Variants in CORO2B observed in about 807,000 individuals in gnomAD.
CORO2B encodes coronin 2B.
In CORO2B, 26 loss-of-function variants were observed where a neutral mutation model predicts 58.8. The ratio of observed to expected loss-of-function variants is 0.44; its 90% CI spans 0.32 to 0.61. The LOEUF (loss-of-function observed/expected upper bound fraction) is 0.61, where lower values mean the gene tolerates loss of function less well. CORO2B is among the 20% of genes least tolerant of loss of function. CORO2B has a pLI of 0.04. For synonymous variants in CORO2B, 242 were observed against 253.8 expected (o/e 0.95, Z 0.44); for missense variants, 460 against 645.1 (o/e 0.71, Z 3.11).
chr15:68,593,761 AG>A (rs377262626), intron 1 of CORO2B, among the ~76,000 whole-genome samples: 127 of 151,946 alleles, frequency 8.4e-4, no homozygotes, highest in African/African-American at 3.0e-3. Context: ...GTTTGCTCTG[AG>A]GTGGCGAAGT....
chr15:68,542,892 C>G, the CORO2B span, among the ~76,000 whole-genome samples: 3 of 152,214 alleles, frequency 2.0e-5, no homozygotes, highest in African/African-American at 7.2e-5. Context: ...GTGTGCTTCC[C>G]TTTGTTATCT....
At position 68,659,859 on chromosome 15, in the gene CORO2B, G is replaced by A. The variant is rs1028810774; in HGVS notation, c.216+14499G>A. ...TGAGGCAGGAGAATCACTCGAACCC[G>A]GGAGGTGGAGGTTGCAGTGAGCCAA... On this transcript the variant is annotated intron_variant, in intron 2 of 11. Coordinates refer to ENST00000261861, the MANE Select transcript of CORO2B (RefSeq NM_006091.5). 9.2e-5 allele frequency among the ~76,000 whole-genome samples: 14 copies of A among 152,276 alleles called. No homozygotes were observed. The East Asian group carries it at 9.7e-4, about 11-fold the overall frequency.
chr15:68,562,182 C>A, the CORO2B span, among the ~76,000 whole-genome samples: 3 of 152,186 alleles, frequency 2.0e-5, no homozygotes, highest in Admixed American at 2.0e-4. Flanking sequence ...CAGGACTACA[C>A]AGAGGGGTCT....
intron 2 of CORO2B, among the ~76,000 whole-genome samples, chr15:68,653,527 A>G (rs1290323180): frequency 6.6e-6 from 1 of 152,104 alleles, no homozygotes; most frequent in East Asian, 1.9e-4. Context: ...GATCCTAGGG[A>G]GAATGCAGCA....
chr15:68,631,694 C>T (rs1302904507), intron 1 of CORO2B, among the ~76,000 whole-genome samples: 1 of 152,190 alleles, frequency 6.6e-6, no homozygotes, highest in African/African-American at 2.4e-5. Context: ...CACCAGGTGC[C>T]AGGGGGCAGG....
intron 3 of CORO2B, among the ~76,000 whole-genome samples, chr15:68,695,809 G>C (rs752498441): frequency 6.6e-6 from 1 of 152,062 alleles, no homozygotes; most frequent in Non-Finnish European, 1.5e-5. Flanking sequence ...TGAGAAGAGA[G>C]AAGAAACAGG....
the CORO2B span, among the ~76,000 whole-genome samples, chr15:68,534,910 G>T: frequency 0.014 from 2,081 of 152,264 alleles, 117 homozygotes; most frequent in East Asian, 0.17. Flanking sequence ...TGCAAAAGGG[G>T]TTTCCCTTTA....
At chr15:68,524,213 C>G in the CORO2B span, among the ~76,000 whole-genome samples, 1 of 151,794 alleles carries the variant, frequency 6.6e-6, no homozygotes, top group Admixed American at 6.6e-5. Context: ...GAGCAAAACC[C>G]TGTCTCAAAA....
chr15:68,568,316 G>A, the CORO2B span, among the ~76,000 whole-genome samples: 2 of 151,900 alleles, frequency 1.3e-5, no homozygotes, highest in African/African-American at 4.8e-5. Flanking sequence ...TGTAAAGTCG[G>A]AGCGGTTATA....
At chr15:68,686,148 T>C (rs1052673421) in intron 2 of CORO2B, among the ~76,000 whole-genome samples, 6 of 148,962 alleles carry the variant, frequency 4.0e-5, no homozygotes, top group Admixed American at 6.7e-5. Flanking sequence ...GTGATTCTCC[T>C]GCCTCAGCCT....
At chr15:68,664,326 T>C (rs1902114281) in intron 2 of CORO2B, among the ~76,000 whole-genome samples, 1 of 152,040 alleles carries the variant, frequency 6.6e-6, no homozygotes, top group African/African-American at 2.4e-5. Context: ...AAAGTGTAAG[T>C]GTGCCTGTTC....
chr15:68,608,087 C>T (rs1412902452), intron 1 of CORO2B, among the ~76,000 whole-genome samples: 1 of 152,254 alleles, frequency 6.6e-6, no homozygotes, highest in Admixed American at 6.5e-5. Flanking sequence ...GGTGAAATGC[C>T]ACCAACGTGA....
chr15:68,567,326 G>T, the CORO2B span, among the ~76,000 whole-genome samples: 4 of 152,160 alleles, frequency 2.6e-5, no homozygotes, highest in Non-Finnish European at 5.9e-5. Context: ...CAAAGCAAAA[G>T]ATGCCTTTAT....
intron 1 of CORO2B, chr15:68,632,490 C>A: frequency 1.1e-6 from 1 of 935,224 alleles, no homozygotes; most frequent in Non-Finnish European, 1.3e-6. Flanking sequence ...TATTTTGTGG[C>A]TGCAGAATCC....
intron 2 of CORO2B, among the ~76,000 whole-genome samples, chr15:68,674,684 G>A (rs1010238122): frequency 1.3e-5 from 2 of 152,214 alleles, no homozygotes; most frequent in South Asian, 2.1e-4. Context: ...GAGCACACGC[G>A]AAGAACATCA....
At chr15:68,595,096 C>A (rs1319401262) in intron 1 of CORO2B, among the ~76,000 whole-genome samples, 2 of 152,218 alleles carry the variant, frequency 1.3e-5, no homozygotes, top group Non-Finnish European at 2.9e-5. Flanking sequence ...ATTTAGGAAG[C>A]ATTGTACCAT....
At chr15:68,615,215 C>T (rs1002299791) in intron 1 of CORO2B, among the ~76,000 whole-genome samples, 2 of 152,202 alleles carry the variant, frequency 1.3e-5, no homozygotes, top group African/African-American at 2.4e-5. Context: ...AACTGGGTCT[C>T]TCTGACTAAC....
chr15:68,604,502 G>A (rs1900059795), intron 1 of CORO2B, among the ~76,000 whole-genome samples: 1 of 151,898 alleles, frequency 6.6e-6, no homozygotes, highest in African/African-American at 2.4e-5. Context: ...TTAAAAAGGT[G>A]TGGTTTTTTT....
chr15:68,574,565 C>T (rs1899243657), upstream of CORO2B, among the ~76,000 whole-genome samples: 1 of 152,078 alleles, frequency 6.6e-6, no homozygotes, highest in African/African-American at 2.4e-5. Flanking sequence ...ACCGAGAGGT[C>T]CTCATTCCTT....
Sources: gnomAD v4.1 joint callset for allele counts (sites outside exome capture counted in the v4.1 genomes callset) on GRCh38, gnomAD v4.1.1 for gene constraint, MANE v1.5 for transcripts, NCBI Gene and HGNC (gene_info 2026-07-23, HGNC 2026-07-21) for gene names.